Variants in MAPK6 observed in about 807,000 individuals in gnomAD.
MAPK6 encodes the protein mitogen-activated protein kinase 6, also known as ERK-3.
MAPK6 carries 19 observed loss-of-function variants against 59.3 expected under a neutral mutation model. That is an observed-to-expected ratio of 0.32 (90% confidence interval 0.22 to 0.47). The LOEUF is 0.47. Among genes scored for constraint, MAPK6 ranks in the 20% least tolerant of loss-of-function variants. MAPK6 has a pLI of 1.00. For synonymous variants in MAPK6, 316 were observed against 290.3 expected, an observed-to-expected ratio of 1.09 and a Z score of -0.90; for missense variants, 724 against 847.9, an observed-to-expected ratio of 0.85 and a Z score of 1.81.
At chr15:52,048,224 A>G (rs570344571) in intron 2 of MAPK6, among the ~76,000 whole-genome samples, 2 of 152,168 alleles carry the variant, frequency 1.3e-5, no homozygotes, top group South Asian at 4.2e-4. Flanking sequence ...ATCTCAGCTC[A>G]TTGCAACCTC....
chr15:52,034,859 G>A (rs112106116), intron 1 of MAPK6, among the ~76,000 whole-genome samples: 3,495 of 152,000 alleles, frequency 0.023, 97 homozygotes, highest in East Asian at 0.076. Context: ...CACCACGCCC[G>A]GCTAATGTTT....
At chr15:51,994,304 G>T (rs951921939) in intron 2 of MAPK6, among the ~76,000 whole-genome samples, 2 of 152,114 alleles carry the variant, frequency 1.3e-5, no homozygotes, top group African/African-American at 4.8e-5. Flanking sequence ...AGGAACCAGG[G>T]CCCCTTGGAG....
intron 3 of MAPK6, among the ~76,000 whole-genome samples, chr15:52,055,951 A>G (rs1261621465): frequency 6.6e-6 from 1 of 152,256 alleles, no homozygotes; most frequent in East Asian, 1.9e-4. Context: ...ATAGTTTGCA[A>G]TGAAATGATT....
At chr15:52,016,070 G>GCACGCACACACA (rs1555396608), upstream of MAPK6, among the ~76,000 whole-genome samples, 2 of 55,392 alleles carry the variant, frequency 3.6e-5, no homozygotes, top group Non-Finnish European at 6.8e-5. Context: ...GCGCGCGCGC[G>GCACGCACACACA]CACACACACA....
intron 1 of MAPK6, among the ~76,000 whole-genome samples, chr15:51,982,435 G>A (rs2057177184): frequency 6.6e-6 from 1 of 152,114 alleles, no homozygotes; most frequent in African/African-American, 2.4e-5. Flanking sequence ...ATGGCAAAAG[G>A]CCACAAGATG....
At chr15:52,061,893 CAT>C (rs2032218163) in intron 5 of MAPK6, among the ~76,000 whole-genome samples, 2 of 151,986 alleles carry the variant, frequency 1.3e-5, no homozygotes, top group African/African-American at 2.4e-5. Context: ...TACTTTGAAA[CAT>C]TTTCAAAGTC....
intron 2 of MAPK6, among the ~76,000 whole-genome samples, chr15:51,996,325 G>A (rs562914570): frequency 7.7e-4 from 117 of 152,276 alleles, no homozygotes; most frequent in African/African-American, 2.7e-3. Flanking sequence ...TGCCCAGATG[G>A]CAGCTTTTGC....
chr15:52,007,280 G>C (rs948035754), intron 3 of MAPK6, among the ~76,000 whole-genome samples: 1 of 152,132 alleles, frequency 6.6e-6, no homozygotes, highest in African/African-American at 2.4e-5. Context: ...GGGAGTGGGA[G>C]CAGGTGGGGA....
rs139677723 is a variant in MAPK6, at chr15:52,041,474, G to A, written c.-631-4356G>A. On this transcript the variant is annotated intron_variant, in intron 1 of 5. Coordinates refer to ENST00000261845, the MANE Select transcript of MAPK6 (RefSeq NM_002748.4). The stretch of plus-strand genomic sequence containing the variant: ...GCCTCCCAAAATGCTGGGATTACAG[G>A]CGTGAGCCACCGCGCCCGGCCTTAA... Among the ~76,000 whole-genome samples, 894 of 152,326 alleles carry A rather than the reference G, an allele frequency of 5.9e-3. 12 individuals are homozygous for A. The highest frequency in any genetic ancestry group is 0.021 in the African/African-American group (864 of 41,560).
chr15:51,975,833 C>T (rs547037554), intron 1 of MAPK6, among the ~76,000 whole-genome samples: 1 of 151,870 alleles, frequency 6.6e-6, no homozygotes, highest in African/African-American at 2.4e-5. Context: ...TAAGTAAATA[C>T]TCAGCTGATT....
intron 2 of MAPK6, among the ~76,000 whole-genome samples, chr15:51,997,923 C>CTTTCTT (rs529294551): frequency 4.6e-5 from 6 of 131,182 alleles, no homozygotes; most frequent in African/African-American, 1.6e-4. Context: ...TTCTTTCTTT[C>CTTTCTT]TCTTTCTTTC....
intron 1 of MAPK6, among the ~76,000 whole-genome samples, chr15:51,982,804 CT>C (rs1242697548): frequency 7.9e-5 from 12 of 152,234 alleles, no homozygotes; most frequent in African/African-American, 2.9e-4. Flanking sequence ...TAACTGTTAC[CT>C]TTTAAGGAAA....
intron 3 of MAPK6, among the ~76,000 whole-genome samples, chr15:52,012,581 AAG>A (rs1176599713): frequency 2.0e-5 from 3 of 152,186 alleles, no homozygotes; most frequent in African/African-American, 7.2e-5. Context: ...TCTTTTTAAA[AAG>A]ATTCTTTGCA....
intron 2 of MAPK6, among the ~76,000 whole-genome samples, chr15:51,991,713 T>C (rs953579545): frequency 6.6e-6 from 1 of 152,208 alleles, no homozygotes; most frequent in Non-Finnish European, 1.5e-5. Flanking sequence ...AGGCTTTAGG[T>C]AGGACATAGT....
intron 1 of MAPK6, among the ~76,000 whole-genome samples, chr15:52,027,178 C>T (rs560740043): frequency 1.3e-5 from 2 of 151,582 alleles, no homozygotes; most frequent in Non-Finnish European, 2.9e-5. Context: ...GTGGTGAAAC[C>T]CCATCTCTAC....
intron 3 of MAPK6, among the ~76,000 whole-genome samples, chr15:52,013,001 AAAAAAAAAAAAAAAAAAAAATAT>A (rs1207481893): frequency 1.5e-3 from 40 of 27,022 alleles, no homozygotes; most frequent in Middle Eastern, 0.015. Context: ...AAAAAAAAAA[AAAAAAAAAAAAAAAAAAAAATAT>A]ATATATATAT....
rs905590306 is a variant in MAPK6 at position 52,050,150 on chromosome 15, TG to T, written c.700+19del. The T allele has an allele frequency of 1.9e-6, 3 of 1,587,800 alleles. No homozygotes were observed. The highest frequency in any genetic ancestry group is 1.4e-5 in the African/African-American group (1 of 73,080). On this transcript the variant is annotated intron_variant, in intron 3 of 5. Transcript: ENST00000261845. ...ACCCTTTTTGCAGGTTAGTATTTTG[TG>T]GGGGGAAAAATTTTCCCAAAGAGAA...
At position 52,066,029 on chromosome 15, in the gene MAPK6, CATT is replaced by C. The variant is rs770579066; in HGVS notation, c.*1033_*1035del. 9.8e-5 allele frequency: 15 copies of C among 152,510 alleles called. No individual in the cohort carries two copies. The highest frequency in any genetic ancestry group is 2.1e-4 in the Non-Finnish European group (14 of 68,024). 9.4% of individuals were successfully genotyped at this position (152,510 alleles called of 1,614,324 possible). A position where few individuals can be genotyped will look rare whatever the true frequency, so the allele number is the denominator to read the frequency against. ...GTGCATGGAAGTAATTAAGGTACAT[CATT>C]ATTGTAGTTTGAAAGTTGTACATGA... On this transcript the variant is annotated 3_prime_UTR_variant, in exon 6 of 6. Transcript: ENST00000261845.
At chr15:52,032,617 C>T (rs1470445596) in intron 1 of MAPK6, among the ~76,000 whole-genome samples, 1 of 152,150 alleles carries the variant, frequency 6.6e-6, no homozygotes, top group Non-Finnish European at 1.5e-5. Context: ...TAAAAGACTT[C>T]TTTTAGCATT....
Sources: gnomAD v4.1 joint callset for allele counts (sites outside exome capture counted in the v4.1 genomes callset) on GRCh38, gnomAD v4.1.1 for gene constraint, MANE v1.5 for transcripts, NCBI Gene and HGNC (gene_info 2026-07-23, HGNC 2026-07-21) for gene names.